The following TCF12 variants were observed in gnomAD, a reference collection of about 807,000 sequenced individuals.
TCF12 encodes DNA-binding protein HTF4.
A neutral mutation model predicts 86.0 loss-of-function variants in TCF12; 45 were observed. The observed-to-expected ratio is 0.52, with a 90% CI of 0.41 to 0.67. The LOEUF (loss-of-function observed/expected upper bound fraction) is 0.67. Among genes scored for constraint, TCF12 ranks in the 30% least tolerant of loss-of-function variants. TCF12 has a pLI of 0.00. For missense variants in TCF12, 881 were observed against 859.9 expected (o/e 1.02, Z -0.31); for synonymous variants, 330 against 299.6 (o/e 1.10, Z -1.05).
At chr15:57,110,281 G>T (rs1290471408) in intron 5 of TCF12, among the ~76,000 whole-genome samples, 1 of 146,428 alleles carries the variant, frequency 6.8e-6, no homozygotes, top group Non-Finnish European at 1.5e-5. Flanking sequence ...AGATTTTTTA[G>T]TTTTAGGAGT....
At chr15:57,099,012 G>C (rs866983285) in intron 5 of TCF12, among the ~76,000 whole-genome samples, 3 of 152,142 alleles carry the variant, frequency 2.0e-5, no homozygotes, top group African/African-American at 4.8e-5. Flanking sequence ...AGTATTTCCA[G>C]ATTGCTCTAA....
chr15:56,942,325 G>A (rs1225325333), intron 3 of TCF12, among the ~76,000 whole-genome samples: 1 of 152,180 alleles, frequency 6.6e-6, no homozygotes, highest in Non-Finnish European at 1.5e-5. Flanking sequence ...TGAATAGCAA[G>A]AAAGTTCAGA....
intron 5 of TCF12, among the ~76,000 whole-genome samples, chr15:57,097,641 G>C (rs1267353606): frequency 6.6e-6 from 1 of 152,182 alleles, no homozygotes; most frequent in Non-Finnish European, 1.5e-5. Context: ...TATCTGATTT[G>C]ACAGTGTTTC....
intron 3 of TCF12, among the ~76,000 whole-genome samples, chr15:56,977,024 G>C (rs1252936385): frequency 6.6e-6 from 1 of 152,122 alleles, no homozygotes; most frequent in Non-Finnish European, 1.5e-5. Flanking sequence ...CTACCATATT[G>C]GACAGTGCTG....
At chr15:56,977,803 C>A (rs2062686878) in intron 3 of TCF12, among the ~76,000 whole-genome samples, 1 of 152,090 alleles carries the variant, frequency 6.6e-6, no homozygotes, top group South Asian at 2.1e-4. Context: ...TAGGATACTT[C>A]TATAGAGCTT....
rs536239121 is a variant in TCF12 at position 56,931,061 on chromosome 15, T to G, written c.148+9963T>G. On this transcript the variant is annotated intron_variant, in intron 3 of 20. Transcript: ENST00000333725. ...TCTGTCTCTCTCTCTCTCCTCCTCC[T>G]CTCCCTCGTTCCTTCACCCCCCACC... 7.9e-5 allele frequency among the ~76,000 whole-genome samples: 12 copies of G among 152,132 alleles called. No homozygotes were observed. In the East Asian group the frequency reaches 1.5e-3, roughly 20 times the overall value.
intron 3 of TCF12, among the ~76,000 whole-genome samples, chr15:57,029,885 T>C (rs1213107837): frequency 3.3e-5 from 5 of 152,244 alleles, no homozygotes; most frequent in African/African-American, 1.2e-4. Context: ...ACATGTGAGA[T>C]TCAACTATGT....
intron 5 of TCF12, among the ~76,000 whole-genome samples, chr15:57,139,899 A>G (rs1348074807): frequency 2.0e-5 from 3 of 152,218 alleles, no homozygotes; most frequent in Non-Finnish European, 4.4e-5. Flanking sequence ...TCACAGTCCT[A>G]TCATTCAGTC....
intron 5 of TCF12, among the ~76,000 whole-genome samples, chr15:57,117,809 T>C (rs1165293005): frequency 6.6e-6 from 1 of 152,176 alleles, no homozygotes; most frequent in African/African-American, 2.4e-5. Context: ...TTAAAATACT[T>C]GTATAATTTC....
At chr15:57,149,958 T>A (rs1331396148) in intron 5 of TCF12, among the ~76,000 whole-genome samples, 1 of 152,184 alleles carries the variant, frequency 6.6e-6, no homozygotes, top group Non-Finnish European at 1.5e-5. Context: ...AGTTTCATAG[T>A]GGTCCTAACT....
intron 3 of TCF12, among the ~76,000 whole-genome samples, chr15:56,980,351 A>C (rs1276544320): frequency 6.6e-6 from 1 of 152,152 alleles, no homozygotes; most frequent in Admixed American, 6.5e-5. Flanking sequence ...GATTAATGCC[A>C]TTATAAAAGG....
At chr15:56,990,151 CTTTTTTT>C (rs372235874) in intron 3 of TCF12, among the ~76,000 whole-genome samples, 4 of 92,724 alleles carry the variant, frequency 4.3e-5, no homozygotes, top group African/African-American at 7.6e-5. Context: ...ATAGTCTTGT[CTTTTTTT>C]TTTTTTTTTT....
At chr15:56,940,496 CCTCCTT>C (rs1396485239) in intron 3 of TCF12, among the ~76,000 whole-genome samples, 6 of 99,786 alleles carry the variant, frequency 6.0e-5, no homozygotes, top group Non-Finnish European at 1.1e-4. Flanking sequence ...TCCTCCTCCT[CCTCCTT>C]CTTCTTCTCC....
At chr15:57,035,400 A>G (rs531639831) in intron 3 of TCF12, among the ~76,000 whole-genome samples, 1 of 152,236 alleles carries the variant, frequency 6.6e-6, no homozygotes, top group Non-Finnish European at 1.5e-5. Flanking sequence ...AGAAGCTAGA[A>G]CTACAGGTAT....
At chr15:57,036,234 G>GCA (rs1325493323) in intron 3 of TCF12, among the ~76,000 whole-genome samples, 19 of 152,068 alleles carry the variant, frequency 1.2e-4, no homozygotes, top group African/African-American at 4.3e-4. Context: ...GGTAATGAAG[G>GCA]CATCTTGATA....
intron 6 of TCF12, among the ~76,000 whole-genome samples, chr15:57,170,839 A>G (rs1295620919): frequency 1.8e-5 from 2 of 111,242 alleles, no homozygotes; most frequent in Admixed American, 1.0e-4. Flanking sequence ...ATGGGGTCTC[A>G]CTGTGTTGCC....
intron 6 of TCF12, among the ~76,000 whole-genome samples, chr15:57,175,918 C>G (rs368911604): frequency 1.3e-5 from 2 of 151,840 alleles, no homozygotes; most frequent in Non-Finnish European, 2.9e-5. Flanking sequence ...CTGTTAATGG[C>G]GTAGAACATT....
At chr15:56,963,918 C>G (rs2061887783) in intron 3 of TCF12, among the ~76,000 whole-genome samples, 1 of 152,148 alleles carries the variant, frequency 6.6e-6, no homozygotes, top group Admixed American at 6.5e-5. Context: ...TCTTTGAAGG[C>G]AAAAATTTTG....
At chr15:57,029,666 G>A (rs534287994) in intron 3 of TCF12, among the ~76,000 whole-genome samples, 7 of 152,058 alleles carry the variant, frequency 4.6e-5, no homozygotes, top group African/African-American at 7.2e-5. Context: ...TCTGTGTAAC[G>A]CATACCACGG....
Sources: gnomAD v4.1 joint callset for allele counts (sites outside exome capture counted in the v4.1 genomes callset) on GRCh38, gnomAD v4.1.1 for gene constraint, MANE v1.5 for transcripts, NCBI Gene and HGNC (gene_info 2026-07-23, HGNC 2026-07-21) for gene names.